The following SYNRG variants were observed in gnomAD, a reference collection of about 807,000 sequenced individuals.
The protein encoded by SYNRG is synergin gamma, also known as AP1 gamma subunit binding protein 1.
In SYNRG, 37 loss-of-function variants were observed where a neutral mutation model predicts 130.9. The observed-to-expected ratio is 0.28, with a 90% CI of 0.22 to 0.37. The LOEUF (loss-of-function observed/expected upper bound fraction) is 0.37, where lower values mean the gene tolerates loss of function less well. Ranked by LOEUF, SYNRG falls within the 10% of genes least tolerant of loss-of-function variation. SYNRG has a pLI of 1.00. For missense variants in SYNRG, 1,338 were observed against 1,588.9 expected, an observed-to-expected ratio of 0.84 and a Z score of 2.68; for synonymous variants, 539 against 568.1, an observed-to-expected ratio of 0.95 and a Z score of 0.73.
chr17:37,568,839 T>C lies in SYNRG; in HGVS notation c.1433A>G (p.Gln478Arg). 6.2e-7 allele frequency: 1 copy of C among 1,614,132 alleles called. No individual in the cohort carries two copies. Among genetic ancestry groups the C allele is most frequent in the Non-Finnish European group, 8.5e-7 (1 of 1,179,996 alleles). Reference protein sequence around the residue: ...GSLDDSFSDFQELPASSKTSN... With the variant: ...GSLDDSFSDFRELPASSKTSN... Reference sequence around the variant, plus strand: ...TGTTTTTGAAGAAGCAGGCAACTCTTGGAAATCACTGAATGAGTCATCAAG... The same window carrying C: ...TGTTTTTGAAGAAGCAGGCAACTCTCGGAAATCACTGAATGAGTCATCAAG... The change falls in exon 11 of 22, where the codon CAA becomes CGA. Residue 478 changes from glutamine to arginine, a missense_variant. Coordinates refer to ENST00000612223, the MANE Select transcript of SYNRG (RefSeq NM_007247.6).
chr17:37,602,719 T>C (rs1347437131), intron 1 of SYNRG, among the ~76,000 whole-genome samples: 1 of 151,978 alleles, frequency 6.6e-6, no homozygotes, highest in Non-Finnish European at 1.5e-5. Context: ...GAAATGGGAT[T>C]AACACGCGAA....
intron 19 of SYNRG, among the ~76,000 whole-genome samples, chr17:37,522,133 C>CTACACACACA (rs2143739198): frequency 2.8e-5 from 1 of 35,392 alleles, no homozygotes; most frequent in East Asian, 4.7e-3. Context: ...ATCTAATTCA[C>CTACACACACA]TACACACACA....
At position 37,516,009 on chromosome 17, in the gene SYNRG, T is replaced by A. The variant is rs2054398962; in HGVS notation, c.*2931A>T. The A allele has an allele frequency of 6.6e-6, 1 of 151,970 alleles. No individual in the cohort carries two copies. Among genetic ancestry groups the A allele is most frequent in the African/African-American group, 2.4e-5 (1 of 41,344 alleles). 9.4% of individuals were successfully genotyped at this position (151,970 alleles called of 1,614,324 possible). ...CAGGAAAAATAAAGCATGGAAAATA[T>A]CCTCATATATCCAGTACCTCTTCTA... On this transcript the variant is annotated 3_prime_UTR_variant, in exon 22 of 22. Transcript: ENST00000612223.
At position 37,584,650 on chromosome 17, in the gene SYNRG, G is replaced by C. The variant is rs762775709; in HGVS notation, c.587C>G (p.Pro196Arg). 14 of 1,612,306 alleles carry C rather than the reference G, an allele frequency of 8.7e-6. No homozygotes were observed. The East Asian group carries it at 3.1e-4, about 36-fold the overall frequency. ...HPTPASHPKK[P>R]GPSLEEKFLV... The stretch of plus-strand genomic sequence containing the variant: ...AATATAATGCCTCTTAAAACTACCT[G>C]GTTTCTTGGGGTGCGATGCTGGAGT... The change falls in exon 6 of 22, where the codon CCA (proline) becomes CGA (arginine). Residue 196 changes from proline (P) to arginine (R), a missense_variant and splice_region_variant. Around this residue, in one of 3 missense-constraint regions of SYNRG, gnomAD observed 1,146 missense variants for 1,342.3 expected, o/e 0.85. Coordinates refer to ENST00000612223, the MANE Select transcript of SYNRG (RefSeq NM_007247.6).
intron 19 of SYNRG, among the ~76,000 whole-genome samples, chr17:37,533,194 A>G (rs1056843333): frequency 6.6e-6 from 1 of 152,178 alleles, no homozygotes; most frequent in Admixed American, 6.5e-5. Context: ...TGAGGCCAGG[A>G]GTTTGAGACC....
intron 19 of SYNRG, among the ~76,000 whole-genome samples, chr17:37,526,238 G>C (rs1598076293): frequency 6.6e-6 from 1 of 152,306 alleles, no homozygotes; most frequent in South Asian, 2.1e-4. Flanking sequence ...GTTCCACATG[G>C]TGGAGGCTCT....
chr17:37,547,649 G>C (rs1352711811), intron 14 of SYNRG, among the ~76,000 whole-genome samples: 1 of 152,072 alleles, frequency 6.6e-6, no homozygotes, highest in Non-Finnish European at 1.5e-5. Flanking sequence ...TTTTAGTAGA[G>C]ATGGGGTTTC....
rs149201974 is a variant in SYNRG, at chr17:37,604,165, G to A, written c.78-3762C>T. On this transcript the variant is annotated intron_variant, in intron 1 of 21. Transcript: ENST00000612223. ...TGAGGCAGAAGAACCACTTGAACCC[G>A]GGAGGCGAAGGTTACATTGAGGCGA... Among the ~76,000 whole-genome samples the A allele has an allele frequency of 4.6e-3, 697 of 151,852 alleles. 1 individual carries two copies. Among genetic ancestry groups the A allele is most frequent in the African/African-American group, 0.016 (655 of 41,382 alleles).
rs149268463 is a variant in SYNRG, at chr17:37,608,986, GC to G, written c.77+292del. The stretch of plus-strand genomic sequence containing the variant: ...GGAGTCGCGGTTCCTGATTTGCCCC[GC>G]CCCCCCCCACCCCAAGAGGACCCTC... On this transcript the variant is annotated intron_variant, in intron 1 of 21. Coordinates refer to ENST00000612223, the MANE Select transcript of SYNRG (RefSeq NM_007247.6). Among the ~76,000 whole-genome samples, 429 of 107,052 alleles carry G rather than the reference GC, an allele frequency of 4.0e-3. 1 individual carries two copies. The highest frequency in any genetic ancestry group is 0.013 in the African/African-American group (378 of 28,560). 70.2% of individuals were successfully genotyped at this position (107,052 alleles called of 152,430 possible). A position where few individuals can be genotyped will look rare whatever the true frequency, so the allele number is the denominator to read the frequency against.
intron 15 of SYNRG, 71 bp from the exon 16 acceptor site, chr17:37,540,614 C>T: frequency 2.3e-6 from 3 of 1,331,424 alleles, no homozygotes; most frequent in South Asian, 1.5e-5. Flanking sequence ...CTCTTCCTCG[C>T]TACCACAACC....
rs185146453 is a variant in SYNRG, at chr17:37,545,489, T to C, written c.2609-2924A>G. ...TGCAATCAAGATATTACTATGGTAATAAAAAGATCTTTCTGTGCAATTATG... is the reference window on the plus strand; with the variant it reads ...TGCAATCAAGATATTACTATGGTAACAAAAAGATCTTTCTGTGCAATTATG... On this transcript the variant is annotated intron_variant, in intron 14 of 21. Transcript: ENST00000612223. Among the ~76,000 whole-genome samples the C allele has an allele frequency of 1.0e-3, 156 of 152,282 alleles. 1 individual carries two copies. In the East Asian group the frequency reaches 0.021, roughly 21 times the overall value.
Position 37,538,374 on chromosome 17 carries a change from G to A in SYNRG, c.3467C>T (p.Ser1156Phe). The A allele has an allele frequency of 1.2e-6, 2 of 1,611,742 alleles. No individual in the cohort carries two copies. Among genetic ancestry groups the A allele is most frequent in the Non-Finnish European group, 1.7e-6 (2 of 1,179,400 alleles). The stretch of plus-strand genomic sequence containing the variant: ...TGACTGAATTACTTCTGTGCAAACA[G>A]AACTACTACTGATTCCATTTAAGGT... ...NDTLNGISSS[S>F]VCTEVIQSAQ... The change falls in exon 18 of 22, where the codon TCT (serine) becomes TTT (phenylalanine). Residue 1156 changes from serine to phenylalanine, a missense_variant. Ser to Phe is a radical substitution (Grantham distance 155). Around this residue, in one of 3 missense-constraint regions of SYNRG, gnomAD observed 1,146 missense variants for 1,342.3 expected, o/e 0.85. Coordinates refer to ENST00000612223, the MANE Select transcript of SYNRG (RefSeq NM_007247.6).
chr17:37,535,567 C>G (rs1363808429), intron 19 of SYNRG, among the ~76,000 whole-genome samples: 1 of 152,102 alleles, frequency 6.6e-6, no homozygotes, highest in Non-Finnish European at 1.5e-5. Flanking sequence ...GAAAATGACC[C>G]AAGAACCTAA....
At chr17:37,559,455 C>T (rs60447099) in intron 13 of SYNRG, among the ~76,000 whole-genome samples, 24,136 of 152,118 alleles carry the variant, frequency 0.16, 2,091 homozygotes, top group Middle Eastern at 0.27. Context: ...TGTGGGAGGC[C>T]GAGGCGGGCA....
At chr17:37,574,529 T>C (rs1163515951) in intron 8 of SYNRG, among the ~76,000 whole-genome samples, 4 of 152,122 alleles carry the variant, frequency 2.6e-5, no homozygotes, top group Non-Finnish European at 5.9e-5. Flanking sequence ...AACCAAAATA[T>C]ATAAGAAGCT....
chr17:37,597,775 G>A (rs2062907573), intron 2 of SYNRG, among the ~76,000 whole-genome samples: 2 of 152,192 alleles, frequency 1.3e-5, no homozygotes, highest in South Asian at 4.1e-4. Flanking sequence ...ATAGTTCTAT[G>A]TGCTTGGTAC....
chr17:37,565,191 G>A (rs2059835933), intron 11 of SYNRG, among the ~76,000 whole-genome samples: 1 of 152,152 alleles, frequency 6.6e-6, no homozygotes, highest in Admixed American at 6.5e-5. Flanking sequence ...TTGAACCTGG[G>A]AGGCAGAAGT....
intron 6 of SYNRG, among the ~76,000 whole-genome samples, chr17:37,580,510 T>TGTGTGTGTGTGTGTGTGTGTGTGTGA (rs1384344164): frequency 1.0e-4 from 13 of 127,716 alleles, no homozygotes; most frequent in African/African-American, 4.4e-4. Context: ...TGTGTGTGTG[T>TGTGTGTGTGTGTGTGTGTGTGTGTGA]GAGAGAGAGA....
In SYNRG at chr17:37,602,609, T is replaced by G. The variant is rs114109628; in HGVS notation, c.78-2206A>C. 4.9e-3 allele frequency among the ~76,000 whole-genome samples: 743 copies of G among 152,340 alleles called. 6 individuals carry two copies. Among genetic ancestry groups the G allele is most frequent in the Middle Eastern group, 0.037 (11 of 294 alleles). On this transcript the variant is annotated intron_variant, in intron 1 of 21. Coordinates refer to ENST00000612223, the MANE Select transcript of SYNRG (RefSeq NM_007247.6). ...AATCACTGCTTTCAAAAATGGTGAT[T>G]GTTAAGTGAGTTAGTTTCAACAAAG...
Sources: allele counts gnomAD v4.1 joint callset (sites outside exome capture counted in the v4.1 genomes callset), GRCh38; gene constraint gnomAD v4.1.1; regional missense constraint gnomAD v4.1.1; transcripts MANE v1.5; gene names NCBI Gene and HGNC (gene_info 2026-07-23, HGNC 2026-07-21).